The following LIMA1 variants were observed in gnomAD, a reference collection of about 807,000 sequenced individuals.
The protein encoded by LIMA1 is LIM domain and actin-binding protein 1.
Under a neutral mutation model 62.6 loss-of-function variants are expected in LIMA1, and 52 were observed. That is an observed-to-expected ratio of 0.83 (90% CI 0.67 to 1.05). The LOEUF is 1.05. LIMA1 is among the 50% of genes least tolerant of loss of function. The pLI, the probability that LIMA1 is intolerant of heterozygous loss-of-function variation, is 0.00. For missense variants in LIMA1, 780 were observed against 902.2 expected (o/e 0.86, Z 1.74); for synonymous variants, 302 against 317.8 (o/e 0.95, Z 0.53).
At chr12:50,275,250 C>A (rs2138707568) in intron 1 of LIMA1, among the ~76,000 whole-genome samples, 1 of 151,942 alleles carries the variant, frequency 6.6e-6, no homozygotes, top group Non-Finnish European at 1.5e-5. Flanking sequence ...GCCTGTAGTC[C>A]CAGCTACTCC....
intron 1 of LIMA1, among the ~76,000 whole-genome samples, chr12:50,282,427 A>G (rs997826690): frequency 5.9e-5 from 9 of 152,264 alleles, no homozygotes; most frequent in East Asian, 3.8e-4. Flanking sequence ...TTAAAAACTG[A>G]TAACTCCCTA....
At chr12:50,190,623 G>T (rs1032302269) in intron 9 of LIMA1, among the ~76,000 whole-genome samples, 2 of 135,430 alleles carry the variant, frequency 1.5e-5, no homozygotes, top group Non-Finnish European at 3.1e-5. Flanking sequence ...CAGGTGATCC[G>T]CCCGTCTCAG....
intron 2 of LIMA1, among the ~76,000 whole-genome samples, chr12:50,237,910 T>C (rs1941719196): frequency 6.6e-6 from 1 of 152,154 alleles, no homozygotes. Context: ...GAAATTGGAC[T>C]ACCATATACA....
chr12:50,247,343 T>G, intron 2 of LIMA1, among the ~76,000 whole-genome samples: 1 of 151,934 alleles, frequency 6.6e-6, no homozygotes, highest in East Asian at 1.9e-4. Flanking sequence ...ACTCCCCCTT[T>G]TCTTCCCTCC....
intron 9 of LIMA1, among the ~76,000 whole-genome samples, chr12:50,183,182 A>G (rs1267096543): frequency 6.6e-6 from 1 of 152,150 alleles, no homozygotes; most frequent in East Asian, 1.9e-4. Flanking sequence ...AGCCTGGGCG[A>G]CAGAGTGAGA....
At chr12:50,191,361 TAA>T (rs34835906) in intron 9 of LIMA1, 21 of 110,332 alleles carry the variant, frequency 1.9e-4, no homozygotes, top group Non-Finnish European at 2.6e-4. Flanking sequence ...TCACATCTCT[TAA>T]AAAAAAAAAA....
chr12:50,268,405 T>C (rs147549482), intron 1 of LIMA1, among the ~76,000 whole-genome samples: 1 of 152,226 alleles, frequency 6.6e-6, no homozygotes, highest in Non-Finnish European at 1.5e-5. Context: ...CCAAACATGT[T>C]AATTTTTGCA....
intron 3 of LIMA1, among the ~76,000 whole-genome samples, chr12:50,228,797 T>G (rs1045210448): frequency 2.6e-5 from 4 of 152,262 alleles, no homozygotes; most frequent in African/African-American, 7.2e-5. Context: ...TCTCCCTCTC[T>G]AATCTGCTTT....
At chr12:50,200,905 T>TA (rs1740227040) in intron 6 of LIMA1, 21 bp from the exon 7 acceptor site, 2 of 1,609,226 alleles carry the variant, frequency 1.2e-6, no homozygotes, top group Non-Finnish European at 8.5e-7. Context: ...AAAATAACTG[T>TA]AAAAATTTTT....
intron 2 of LIMA1, among the ~76,000 whole-genome samples, chr12:50,240,693 TG>T (rs1013001635): frequency 4.6e-5 from 7 of 152,148 alleles, no homozygotes; most frequent in African/African-American, 1.7e-4. Context: ...AACATCCATT[TG>T]GTGGTAGCAG....
intron 1 of LIMA1, among the ~76,000 whole-genome samples, chr12:50,276,120 A>C (rs944737531): frequency 3.3e-5 from 5 of 152,010 alleles, no homozygotes; most frequent in East Asian, 1.9e-4. Context: ...CAAGGGAAAA[A>C]CTGAAGCCAA....
chr12:50,190,697 T>C (rs1296264938), intron 9 of LIMA1, among the ~76,000 whole-genome samples: 2 of 19,642 alleles, frequency 1.0e-4, no homozygotes, highest in African/African-American at 6.7e-4. Flanking sequence ...TTTTTTTTTT[T>C]TTTTTTTTTT....
intron 1 of LIMA1, among the ~76,000 whole-genome samples, chr12:50,271,377 A>G (rs1484718872): frequency 2.0e-5 from 3 of 152,142 alleles, no homozygotes; most frequent in Admixed American, 6.5e-5. Context: ...AAATTACCAG[A>G]TCAAATTCAA....
At chr12:50,270,337 G>A (rs1178149882) in intron 1 of LIMA1, among the ~76,000 whole-genome samples, 1 of 150,394 alleles carries the variant, frequency 6.6e-6, no homozygotes, top group South Asian at 2.1e-4. Context: ...AGTGGCTCAC[G>A]CCTGTAATCC....
chr12:50,277,546 G>C (rs1429576897), intron 1 of LIMA1, among the ~76,000 whole-genome samples: 1 of 152,286 alleles, frequency 6.6e-6, no homozygotes, highest in Admixed American at 6.5e-5. Context: ...ATGAGGCTCT[G>C]AGTCAATGAA....
At chr12:50,217,209 A>C (rs1315001165) in intron 4 of LIMA1, among the ~76,000 whole-genome samples, 1 of 151,896 alleles carries the variant, frequency 6.6e-6, no homozygotes, top group South Asian at 2.1e-4. Flanking sequence ...TCACAAGTTC[A>C]TATACAGTCA....
chr12:50,254,813 A>C (rs1345666646), intron 1 of LIMA1, among the ~76,000 whole-genome samples: 1 of 152,060 alleles, frequency 6.6e-6, no homozygotes, highest in Admixed American at 6.6e-5. Flanking sequence ...TAATCCCAGC[A>C]CTCTGGGAGG....
intron 1 of LIMA1, among the ~76,000 whole-genome samples, chr12:50,269,555 T>A: frequency 6.6e-6 from 1 of 152,180 alleles, no homozygotes. Context: ...GAACACCAGA[T>A]CTGATCAAAG....
Position 50,222,420 on chromosome 12 carries a change from C to T in LIMA1, c.231G>A (p.Glu77=), listed in dbSNP as rs1018198472. The T allele has an allele frequency of 5.0e-6, 8 of 1,614,068 alleles. No individual in the cohort carries two copies. Among genetic ancestry groups the T allele is most frequent in the Middle Eastern group, 1.6e-4 (1 of 6,084 alleles). ...GAGACTCTGCTCCCAGCCCTGGGTT[C>T]TCCCACTTCTTCTTTAACACAGTCA... ...GTLTVLKKKW[E]NPGLGAESHT... is the part of the protein sequence containing the mutation. Residue 77 remains glutamate, a synonymous_variant, in exon 4 of 11, where the codon GAG becomes GAA. Coordinates refer to ENST00000341247, the MANE Select transcript of LIMA1 (RefSeq NM_016357.5).
Sources: gnomAD v4.1 joint callset for allele counts (sites outside exome capture counted in the v4.1 genomes callset) on GRCh38, gnomAD v4.1.1 for gene constraint, MANE v1.5 for transcripts, NCBI Gene and HGNC (gene_info 2026-07-23, HGNC 2026-07-21) for gene names.